HEPACAM2: variants seen among roughly 807,000 people sequenced by gnomAD.
HEPACAM2 encodes HEPACAM family member 2.
In HEPACAM2, 49 loss-of-function variants were observed where a neutral mutation model predicts 49.6. The ratio of observed to expected loss-of-function variants is 0.99; its 90% CI spans 0.78 to 1.25. The LOEUF is 1.25. Among genes scored for constraint, HEPACAM2 ranks in the 50% most tolerant of loss-of-function variants. The probability of loss-of-function intolerance (pLI) is 0.00; values close to 1 mark genes in which losing one functional copy is unlikely to be tolerated. For missense variants in HEPACAM2, 525 were observed against 557.2 expected (o/e 0.94, Z 0.58); for synonymous variants, 197 against 202.9 (o/e 0.97, Z 0.25).
chr7:93,203,931 T>G (rs567384956), intron 4 of HEPACAM2, among the ~76,000 whole-genome samples: 8 of 152,246 alleles, frequency 5.3e-5, no homozygotes, highest in Non-Finnish European at 8.8e-5. Flanking sequence ...AGTTGTTCAG[T>G]GCTGGATGCT....
At chr7:93,223,020 G>A (rs1794479041) in intron 1 of HEPACAM2, among the ~76,000 whole-genome samples, 1 of 152,156 alleles carries the variant, frequency 6.6e-6, no homozygotes, top group East Asian at 1.9e-4. Context: ...GAATGCACTG[G>A]AAAAAGCTGC....
upstream of HEPACAM2, among the ~76,000 whole-genome samples, chr7:93,229,215 G>A (rs1794587749): frequency 6.6e-6 from 1 of 152,206 alleles, no homozygotes; most frequent in South Asian, 2.1e-4. Context: ...TTAGCTGCCA[G>A]AGGAGGCTAT....
chr7:93,202,630 C>T (rs1467995278), intron 4 of HEPACAM2, among the ~76,000 whole-genome samples: 3 of 152,094 alleles, frequency 2.0e-5, no homozygotes, highest in Non-Finnish European at 4.4e-5. Flanking sequence ...GAATTCAATG[C>T]TAATTTATTC....
intron 8 of HEPACAM2, among the ~76,000 whole-genome samples, chr7:93,194,512 T>C (rs1460375799): frequency 2.0e-5 from 3 of 152,124 alleles, no homozygotes; most frequent in Non-Finnish European, 4.4e-5. Flanking sequence ...AATAGGGTAT[T>C]GCAAAGCCTT....
chr7:93,202,274 T>G (rs1793915049), intron 4 of HEPACAM2, among the ~76,000 whole-genome samples: 1 of 151,052 alleles, frequency 6.6e-6, no homozygotes, highest in South Asian at 2.1e-4. Context: ...AAATATTATA[T>G]ATACATAAAA....
intron 3 of HEPACAM2, among the ~76,000 whole-genome samples, chr7:93,212,977 G>T (rs1794213667): frequency 6.6e-6 from 1 of 151,974 alleles, no homozygotes; most frequent in Admixed American, 6.6e-5. Flanking sequence ...CCTTTGCCTT[G>T]GGGATGGCTG....
rs576413440 is a variant in HEPACAM2, at chr7:93,192,244, T to A, written c.1385+10A>T. 37 of 1,591,262 alleles carry A rather than the reference T, an allele frequency of 2.3e-5. No homozygotes were observed. Among genetic ancestry groups the A allele is most frequent in the Non-Finnish European group, 3.0e-5 (35 of 1,160,016 alleles). On this transcript the variant is annotated intron_variant, in intron 9 of 9. Coordinates refer to ENST00000394468, the MANE Select transcript of HEPACAM2 (RefSeq NM_001039372.4). ...CTCCATAGCACCATCAAATGCAGAT[T>A]CGTACTTACTCTGGATGGTCTTGCT...
At chr7:93,203,933 C>G (rs2116666094) in intron 4 of HEPACAM2, among the ~76,000 whole-genome samples, 1 of 152,230 alleles carries the variant, frequency 6.6e-6, no homozygotes, top group Middle Eastern at 3.4e-3. Context: ...TTGTTCAGTG[C>G]TGGATGCTCA....
intron 2 of HEPACAM2, among the ~76,000 whole-genome samples, chr7:93,218,304 AG>A (rs1296232000): frequency 6.6e-6 from 1 of 152,110 alleles, no homozygotes; most frequent in Non-Finnish European, 1.5e-5. Flanking sequence ...CAAAGCTATT[AG>A]GACAGTTCAG....
chr7:93,202,033 A>AAAAAAAAAAAAAAAAAAAC (rs1562824501), intron 4 of HEPACAM2, among the ~76,000 whole-genome samples: 1 of 14,626 alleles, frequency 6.8e-5, no homozygotes, highest in Non-Finnish European at 1.3e-4. Flanking sequence ...AAAAAAAACC[A>AAAAAAAAAAAAAAAAAAAC]AAAAAAAAAA....
intron 7 of HEPACAM2, among the ~76,000 whole-genome samples, chr7:93,196,816 A>G (rs1366205862): frequency 6.6e-6 from 1 of 152,160 alleles, no homozygotes; most frequent in Non-Finnish European, 1.5e-5. Flanking sequence ...CCCCTGCCAA[A>G]TCTTCTTTTC....
Position 93,189,009 on chromosome 7 carries a change from C to A in HEPACAM2, c.*258G>T. On this transcript the variant is annotated 3_prime_UTR_variant, in exon 10 of 10. Coordinates refer to ENST00000394468, the MANE Select transcript of HEPACAM2 (RefSeq NM_001039372.4). ...GAAACCCCTGTCACTTTCGTTCTCC[C>A]CGTCAGCATGAGAACGACTCTCCAC... The A allele has an allele frequency of 2.2e-6, 1 of 462,230 alleles. No individual in the cohort carries two copies. The highest frequency in any genetic ancestry group is 3.8e-6 in the Non-Finnish European group (1 of 262,116). The allele number at this position is 462,230 out of a possible 1,614,324, so 28.6% of individuals were successfully genotyped here.
chr7:93,204,799 G>A (rs899151762), intron 4 of HEPACAM2, among the ~76,000 whole-genome samples: 4 of 152,034 alleles, frequency 2.6e-5, no homozygotes, highest in African/African-American at 9.7e-5. Context: ...TTGTATAGTG[G>A]TTAAAAACAA....
Position 93,192,274 on chromosome 7 carries a change from G to C in HEPACAM2, c.1365C>G (p.Ala455=). The stretch of plus-strand genomic sequence containing the variant: ...CTTACTCTGGATGGTCTTGCTGCTG[G>C]GCAGGGATGTGCTGAATAACTTCAT... ...TVYEVIQHIP[A]QQQDHPE is the part of the protein sequence containing the mutation. Residue 455 remains alanine, a synonymous_variant, in exon 9 of 10, where the codon GCC becomes GCG. Transcript: ENST00000394468. 1.2e-6 allele frequency: 2 copies of C among 1,612,136 alleles called. No individual in the cohort carries two copies. Among genetic ancestry groups the C allele is most frequent in the Middle Eastern group, 1.7e-4 (1 of 6,044 alleles).
Position 93,188,939 on chromosome 7 carries a change from G to T in HEPACAM2, c.*328C>A. On this transcript the variant is annotated 3_prime_UTR_variant, in exon 10 of 10. Transcript: ENST00000394468. ...TTGATGATAGTGAAAGTGTAGAGTA[G>T]AACTAATTGAGGTTTGTAGAGATAT... 1 of 423,782 alleles carries T rather than the reference G, an allele frequency of 2.4e-6. No homozygotes were observed. The highest frequency in any genetic ancestry group is 8.4e-5 in the South Asian group (1 of 11,974). 26.3% of individuals were successfully genotyped at this position (423,782 alleles called of 1,614,324 possible).
At position 93,189,277 on chromosome 7, in the gene HEPACAM2, A is replaced by T. The variant is rs1433492157; in HGVS notation, c.1386-7T>A. 1 of 1,592,454 alleles carries T rather than the reference A, an allele frequency of 6.3e-7. No individual in the cohort carries two copies. Among genetic ancestry groups the T allele is most frequent in the Admixed American group, 1.8e-5 (1 of 56,790 alleles). On this transcript the variant is annotated splice_region_variant and splice_polypyrimidine_tract_variant and intron_variant, in intron 9 of 9. Transcript: ENST00000394468. Reference sequence around the variant, plus strand: ...TTAGCCCATGAAAGTTCACCTAGTGAAGAGATATACAAAATATGTAAACAG... The same window carrying T: ...TTAGCCCATGAAAGTTCACCTAGTGTAGAGATATACAAAATATGTAAACAG...
At chr7:93,230,459 C>G (rs1161722502), upstream of HEPACAM2, among the ~76,000 whole-genome samples, 3 of 152,174 alleles carry the variant, frequency 2.0e-5, no homozygotes, top group Admixed American at 1.3e-4. Flanking sequence ...TGAATCTGAA[C>G]AGTCAGGTTT....
chr7:93,217,065 C>G (rs1794323062), intron 2 of HEPACAM2, among the ~76,000 whole-genome samples: 1 of 152,136 alleles, frequency 6.6e-6, no homozygotes, highest in Non-Finnish European at 1.5e-5. Flanking sequence ...AATCAACTGG[C>G]TCATCTATTT....
intron 9 of HEPACAM2, among the ~76,000 whole-genome samples, chr7:93,189,883 T>C (rs1793498737): frequency 6.6e-6 from 1 of 151,916 alleles, no homozygotes; most frequent in African/African-American, 2.4e-5. Context: ...CCTATAATAA[T>C]GCATTACTCA....
Sources: gnomAD v4.1 joint callset for allele counts (sites outside exome capture counted in the v4.1 genomes callset) on GRCh38, gnomAD v4.1.1 for gene constraint, MANE v1.5 for transcripts, NCBI Gene and HGNC (gene_info 2026-07-23, HGNC 2026-07-21) for gene names.